IQGAP2: variants seen among roughly 807,000 people sequenced by gnomAD.
IQGAP2 encodes the protein ras GTPase-activating-like protein IQGAP2.
IQGAP2 carries 173 observed loss-of-function variants against 201.3 expected under a neutral mutation model. The ratio of observed to expected loss-of-function variants is 0.86; its 90% CI spans 0.76 to 0.98. The LOEUF (loss-of-function observed/expected upper bound fraction) is 0.98. IQGAP2 is among the 50% of genes least tolerant of loss of function. The pLI is 0.00. For missense variants in IQGAP2, 1,687 were observed against 1,864.8 expected (o/e 0.90, Z 1.76); for synonymous variants, 675 against 673.9 (o/e 1.00, Z -0.03).
chr5:76,626,508 T>C (rs1258632627), intron 13 of IQGAP2, among the ~76,000 whole-genome samples: 3 of 152,098 alleles, frequency 2.0e-5, no homozygotes, highest in African/African-American at 7.2e-5. Context: ...TGACCTCAAG[T>C]GGTCCACCAC....
chr5:76,496,068 G>A (rs1338821843), intron 2 of IQGAP2, among the ~76,000 whole-genome samples: 6 of 152,320 alleles, frequency 3.9e-5, no homozygotes, highest in Admixed American at 2.0e-4. Context: ...AGCCCTCAGC[G>A]GAGGCATGGC....
At chr5:76,438,218 G>T (rs1291954262) in intron 1 of IQGAP2, among the ~76,000 whole-genome samples, 2 of 151,710 alleles carry the variant, frequency 1.3e-5, no homozygotes, top group African/African-American at 4.8e-5. Context: ...CTGGCCCTGG[G>T]CTCTTTTTTC....
chr5:76,600,551 A>C (rs1045777934), intron 10 of IQGAP2, among the ~76,000 whole-genome samples: 4 of 152,196 alleles, frequency 2.6e-5, no homozygotes, highest in African/African-American at 9.6e-5. Context: ...AGGGATCAGC[A>C]ATGGGAATGC....
In IQGAP2 at chr5:76,695,549, A is replaced by C; in HGVS notation, c.4089A>C (p.Ala1363=). Residue 1363 remains alanine, a synonymous_variant, in exon 32 of 36, where the codon GCA becomes GCC. Transcript: ENST00000274364. The part of the protein sequence containing the change: ...MKHSQSMIED[A]QLPLEQKKRK... The stretch of plus-strand genomic sequence containing the variant: ...ATAGCCAATCTATGATTGAAGATGC[A>C]CAGCTGCCTCTTGAGCAGAAGAAGA... The C allele has an allele frequency of 2.5e-6, 4 of 1,614,162 alleles. No homozygotes were observed. The highest frequency in any genetic ancestry group is 3.4e-6 in the Non-Finnish European group (4 of 1,179,960).
intron 30 of IQGAP2, among the ~76,000 whole-genome samples, 191 bp downstream of exon 30, chr5:76,684,108 T>C (rs892898143): frequency 6.6e-6 from 1 of 152,246 alleles, no homozygotes; most frequent in African/African-American, 2.4e-5. Flanking sequence ...AATATTATAA[T>C]AGTTTACAAC....
intron 13 of IQGAP2, chr5:76,617,859 G>A (rs752027932): frequency 1.2e-6 from 2 of 1,613,952 alleles, no homozygotes; most frequent in Non-Finnish European, 8.5e-7. Context: ...GATGATGGCT[G>A]CATAGCAGTA....
At chr5:76,610,512 G>A (rs1347762644) in intron 12 of IQGAP2, among the ~76,000 whole-genome samples, 1 of 151,300 alleles carries the variant, frequency 6.6e-6, no homozygotes, top group Non-Finnish European at 1.5e-5. Context: ...AGGTGGCAGT[G>A]AGCCAAGATC....
At chr5:76,667,876 T>C (rs1743922925) in intron 22 of IQGAP2, among the ~76,000 whole-genome samples, 1 of 114,584 alleles carries the variant, frequency 8.7e-6, no homozygotes, top group Non-Finnish European at 1.8e-5. Flanking sequence ...TAGTCCACTT[T>C]CTTTTTTTTT....
At chr5:76,508,835 G>T (rs1359940775) in intron 2 of IQGAP2, among the ~76,000 whole-genome samples, 2 of 151,918 alleles carry the variant, frequency 1.3e-5, no homozygotes, top group Non-Finnish European at 2.9e-5. Context: ...TCCACAAAAT[G>T]ACAAAACCAT....
At chr5:76,691,844 T>C (rs539486773) in intron 30 of IQGAP2, 14 of 152,346 alleles carry the variant, frequency 9.2e-5, no homozygotes, top group African/African-American at 2.6e-4. Flanking sequence ...AAAAGTAATA[T>C]ATTTGTAATT....
At chr5:76,661,224 T>C (rs1012956500) in intron 21 of IQGAP2, among the ~76,000 whole-genome samples, 5 of 51,780 alleles carry the variant, frequency 9.7e-5, no homozygotes, top group African/African-American at 5.2e-4. Context: ...ACATTTTTTA[T>C]AGTTCTTTTA....
chr5:76,545,061 TAC>T (rs1743014590), intron 2 of IQGAP2, among the ~76,000 whole-genome samples: 1 of 152,136 alleles, frequency 6.6e-6, no homozygotes, highest in Admixed American at 6.5e-5. Context: ...TAGTTATCTC[TAC>T]ATATACATAC....
At chr5:76,683,950 A>C in intron 30 of IQGAP2, 33 bp downstream of exon 30, 1 of 1,575,058 alleles carries the variant, frequency 6.3e-7, no homozygotes, top group South Asian at 1.2e-5. Flanking sequence ...ACATGTCTCC[A>C]AATACACATC....
intron 30 of IQGAP2, among the ~76,000 whole-genome samples, chr5:76,684,915 G>T (rs559979811): frequency 6.6e-6 from 1 of 152,080 alleles, no homozygotes; most frequent in Non-Finnish European, 1.5e-5. Flanking sequence ...GTGTTGATAT[G>T]TTCCTCTCTT....
chr5:76,506,496 G>C (rs1343558910), intron 2 of IQGAP2, among the ~76,000 whole-genome samples: 1 of 152,158 alleles, frequency 6.6e-6, no homozygotes, highest in Non-Finnish European at 1.5e-5. Flanking sequence ...ATTTGGATTT[G>C]ACATAACAGT....
intron 2 of IQGAP2, among the ~76,000 whole-genome samples, chr5:76,556,635 A>G (rs1190809372): frequency 6.6e-6 from 1 of 152,186 alleles, no homozygotes; most frequent in Non-Finnish European, 1.5e-5. Flanking sequence ...GAAGTTTCAT[A>G]TCATGGCTCC....
At chr5:76,569,077 T>C (rs1744934083) in intron 3 of IQGAP2, among the ~76,000 whole-genome samples, 1 of 152,226 alleles carries the variant, frequency 6.6e-6, no homozygotes, top group Non-Finnish European at 1.5e-5. Context: ...CTTTTCCTTC[T>C]TCCCTTCCTT....
At chr5:76,411,207 G>C (rs933634678) in intron 1 of IQGAP2, among the ~76,000 whole-genome samples, 20 of 152,080 alleles carry the variant, frequency 1.3e-4, no homozygotes, top group African/African-American at 4.8e-4. Flanking sequence ...CTGATATATA[G>C]TTACTCTTCA....
At chr5:76,519,263 C>G (rs901456886) in intron 2 of IQGAP2, among the ~76,000 whole-genome samples, 1 of 152,214 alleles carries the variant, frequency 6.6e-6, no homozygotes, top group African/African-American at 2.4e-5. Context: ...AACTACTGAT[C>G]TATGGTTTTA....
Sources: allele counts gnomAD v4.1 joint callset (sites outside exome capture counted in the v4.1 genomes callset), GRCh38; gene constraint gnomAD v4.1.1; transcripts MANE v1.5; gene names NCBI Gene and HGNC (gene_info 2026-07-23, HGNC 2026-07-21).